The following CBFB variants were observed in gnomAD, a reference collection of about 807,000 sequenced individuals.
The protein encoded by CBFB is core-binding factor subunit beta.
Under a neutral mutation model 30.4 loss-of-function variants are expected in CBFB, and 9 were observed. The ratio of observed to expected loss-of-function variants is 0.30; its 90% CI spans 0.18 to 0.52. The LOEUF is 0.52. Among genes scored for constraint, CBFB ranks in the 20% least tolerant of loss-of-function variants. The probability of loss-of-function intolerance (pLI) is 0.97; values close to 1 mark genes in which losing one functional copy is unlikely to be tolerated. For missense variants in CBFB, 170 were observed against 244.0 expected, an observed-to-expected ratio of 0.70 and a Z score of 2.02; for synonymous variants, 94 against 84.0, an observed-to-expected ratio of 1.12 and a Z score of -0.65.
chr16:67,097,951 T>C (rs1171540477), intron 5 of CBFB, among the ~76,000 whole-genome samples: 1 of 152,184 alleles, frequency 6.6e-6, no homozygotes, highest in South Asian at 2.1e-4. Flanking sequence ...TAAAAAATTA[T>C]TTAATTCATG....
At chr16:67,054,980 T>C (rs1426164799) in intron 3 of CBFB, among the ~76,000 whole-genome samples, 2 of 151,934 alleles carry the variant, frequency 1.3e-5, no homozygotes, top group South Asian at 2.1e-4. Flanking sequence ...GAGCTCTTTT[T>C]TGTGTGTGCT....
In CBFB at chr16:67,036,682, C is replaced by T. The variant is rs768598591; in HGVS notation, c.209C>T (p.Pro70Leu). ...TGTNLSLQFF[P>L]ASWQGEQRQT... ...ACCAATCTGTCTCTCCAGTTTTTTC[C>T]GGCCAGCTGGCAGGGAGAACAGCGA... The change falls in exon 3 of 6, where the codon CCG becomes CTG. Residue 70 changes from proline (P) to leucine (L), a missense_variant. Coordinates refer to ENST00000412916, the MANE Select transcript of CBFB (RefSeq NM_022845.3). 1.2e-6 allele frequency: 2 copies of T among 1,613,758 alleles called. No individual in the cohort carries two copies. Among genetic ancestry groups the T allele is most frequent in the Non-Finnish European group, 1.7e-6 (2 of 1,179,766 alleles).
rs774691069 is a variant in CBFB at position 67,083,298 on chromosome 16, A to ATT, written c.495+1004_495+1005dup. On this transcript the variant is annotated intron_variant, in intron 5 of 5. Transcript: ENST00000412916. ...CTGCTCAAAAGTAATCATTATTTTGATTTTTTTTTTTTTTTGAGATGGAGT... is the reference window on the plus strand; with the variant it reads ...CTGCTCAAAAGTAATCATTATTTTGATTTTTTTTTTTTTTTTTGAGATGGAGT... Among the ~76,000 whole-genome samples, 919 of 143,568 alleles carry ATT rather than the reference A, an allele frequency of 6.4e-3. 8 individuals carry two copies. The highest frequency in any genetic ancestry group is 0.022 in the African/African-American group (852 of 39,258). The allele number at this position is 143,568 out of a possible 152,430, so 94.2% of individuals were successfully genotyped here.
intron 3 of CBFB, among the ~76,000 whole-genome samples, chr16:67,051,295 TA>T (rs1179708298): frequency 6.6e-6 from 1 of 152,142 alleles, no homozygotes; most frequent in Non-Finnish European, 1.5e-5. Context: ...TGAACACTTA[TA>T]ATGTCGCTAG....
At position 67,037,183 on chromosome 16, in the gene CBFB, C is replaced by T. The variant is rs558707453; in HGVS notation, c.282+428C>T. ...AAGTGTTGGGATTACAGGCGTGAGCCACTGTGCCCGGCCAATATAATTTTT... is the reference window on the plus strand; with the variant it reads ...AAGTGTTGGGATTACAGGCGTGAGCTACTGTGCCCGGCCAATATAATTTTT... On this transcript the variant is annotated intron_variant, in intron 3 of 5. Transcript: ENST00000412916. 1.2e-3 allele frequency among the ~76,000 whole-genome samples: 179 copies of T among 152,274 alleles called. 1 individual carries two copies. Among genetic ancestry groups the T allele is most frequent in the African/African-American group, 4.1e-3 (171 of 41,550 alleles).
chr16:67,070,770 G>T (rs982359492), intron 4 of CBFB, among the ~76,000 whole-genome samples: 3 of 151,948 alleles, frequency 2.0e-5, no homozygotes, highest in African/African-American at 7.3e-5. Context: ...ATGATTGCTT[G>T]AACCCAGGAG....
chr16:67,063,868 C>T (rs1010968776), intron 3 of CBFB, among the ~76,000 whole-genome samples: 2 of 152,040 alleles, frequency 1.3e-5, no homozygotes, highest in Admixed American at 6.6e-5. Context: ...TCTGAAGAGA[C>T]TACTGAAATG....
intron 3 of CBFB, among the ~76,000 whole-genome samples, chr16:67,052,611 G>C (rs1268324811): frequency 6.6e-6 from 1 of 151,876 alleles, no homozygotes; most frequent in Non-Finnish European, 1.5e-5. Flanking sequence ...ACAATTTACA[G>C]TTACATATGT....
chr16:67,095,741 G>A (rs1436744351), intron 5 of CBFB, among the ~76,000 whole-genome samples: 1 of 146,560 alleles, frequency 6.8e-6, no homozygotes, highest in Non-Finnish European at 1.5e-5. Flanking sequence ...TGCCCAGGCT[G>A]GAGTGCAACA....
At position 67,053,178 on chromosome 16, in the gene CBFB, A is replaced by G. The variant is rs11862512; in HGVS notation, c.283-13504A>G. 3.3e-5 allele frequency among the ~76,000 whole-genome samples: 5 copies of G among 151,486 alleles called. No individual in the cohort carries two copies. In the South Asian group the frequency reaches 6.3e-4, roughly 19 times the overall value. The stretch of plus-strand genomic sequence containing the variant: ...CTAAATAACGCATTGTTTAGTTTTT[A>G]AAAAAAATGAAACTAGGAAGCACAC... On this transcript the variant is annotated intron_variant, in intron 3 of 5. Coordinates refer to ENST00000412916, the MANE Select transcript of CBFB (RefSeq NM_022845.3).
At position 67,082,247 on chromosome 16, in the gene CBFB, A is replaced by C; in HGVS notation, c.434A>C (p.Glu145Ala). Reference protein sequence around the residue: ...EDALAQQAFEEARRRTREFED... With the variant: ...EDALAQQAFEAARRRTREFED... ...GCATTAGCACAACAGGCCTTTGAAG[A>C]GGCTCGGAGAAGGACACGCGAATTT... The change falls in exon 5 of 6, where the codon GAG (glutamate) becomes GCG (alanine). Residue 145 changes from glutamate (E) to alanine (A), a missense_variant. Physicochemically the swap from Glu to Ala is moderately radical, Grantham distance 107. Coordinates refer to ENST00000412916, the MANE Select transcript of CBFB (RefSeq NM_022845.3). 6.2e-7 allele frequency: 1 copy of C among 1,610,028 alleles called. No individual in the cohort carries two copies. The highest frequency in any genetic ancestry group is 8.5e-7 in the Non-Finnish European group (1 of 1,177,004).
At chr16:67,082,997 T>C (rs988686476) in intron 5 of CBFB, among the ~76,000 whole-genome samples, 1 of 152,160 alleles carries the variant, frequency 6.6e-6, no homozygotes, top group African/African-American at 2.4e-5. Context: ...ACTTTGAGCC[T>C]GAGCAACTCT....
chr16:67,032,239 C>G (rs1314019893), intron 2 of CBFB, among the ~76,000 whole-genome samples: 1 of 152,170 alleles, frequency 6.6e-6, no homozygotes, highest in Non-Finnish European at 1.5e-5. Flanking sequence ...ATCTGATCCT[C>G]ACCTGAGCCC....
chr16:67,083,298 A>AT (rs774691069), intron 5 of CBFB, among the ~76,000 whole-genome samples: 3,697 of 143,492 alleles, frequency 0.026, 52 homozygotes, highest in African/African-American at 0.037. Flanking sequence ...CATTATTTTG[A>AT]TTTTTTTTTT....
intron 3 of CBFB, among the ~76,000 whole-genome samples, chr16:67,060,877 T>C (rs933877246): frequency 1.4e-4 from 22 of 152,174 alleles, no homozygotes; most frequent in African/African-American, 5.1e-4. Flanking sequence ...TTTCATATAA[T>C]ACGTAACCTT....
At chr16:67,052,128 C>T (rs1476451538) in intron 3 of CBFB, among the ~76,000 whole-genome samples, 1 of 152,130 alleles carries the variant, frequency 6.6e-6, no homozygotes, top group Non-Finnish European at 1.5e-5. Flanking sequence ...GATCCACCTG[C>T]CTCAGCCTCC....
intron 4 of CBFB, among the ~76,000 whole-genome samples, chr16:67,079,021 G>A (rs1597153368): frequency 6.6e-6 from 1 of 152,170 alleles, no homozygotes; most frequent in African/African-American, 2.4e-5. Context: ...ATAGAAAGCC[G>A]TGGGAAATTG....
chr16:67,057,609 T>A (rs1960768213), intron 3 of CBFB, among the ~76,000 whole-genome samples: 1 of 152,226 alleles, frequency 6.6e-6, no homozygotes. Context: ...TTTTTCAATT[T>A]ATTTTAATAT....
chr16:67,031,169 T>C (rs981405282), intron 2 of CBFB, among the ~76,000 whole-genome samples: 3 of 152,212 alleles, frequency 2.0e-5, no homozygotes, highest in African/African-American at 7.2e-5. Context: ...AGTGAAAGCT[T>C]TTTAGAGTTG....
Sources: allele counts gnomAD v4.1 joint callset (sites outside exome capture counted in the v4.1 genomes callset), GRCh38; gene constraint gnomAD v4.1.1; transcripts MANE v1.5; gene names NCBI Gene and HGNC (gene_info 2026-07-23, HGNC 2026-07-21).